Variants in AXDND1 observed in about 807,000 individuals in gnomAD.
AXDND1 encodes the protein axonemal dynein light chain domain-containing protein 1.
In AXDND1, 110 loss-of-function variants were observed where a neutral mutation model predicts 137.5. The ratio of observed to expected loss-of-function variants is 0.80; its 90% CI spans 0.69 to 0.94. The LOEUF is 0.94. Ranked by LOEUF, AXDND1 falls within the 40% of genes least tolerant of loss-of-function variation. AXDND1 has a pLI of 0.00. For synonymous variants in AXDND1, 414 were observed against 399.7 expected (o/e 1.04, Z -0.43); for missense variants, 1,191 against 1,169.8 (o/e 1.02, Z -0.26).
Position 179,382,724 on chromosome 1 carries a change from T to TA in AXDND1, c.607dup (p.Ser203LysfsTer2), listed in dbSNP as rs1239220124. ...GCAAATACACTACTCTCCTCACAGA[T>TA]AGTGAAAACAGGCTATTGCTCTTCC... On this transcript the variant is annotated frameshift_variant, in exon 7 of 26. Coordinates refer to ENST00000367618, the MANE Select transcript of AXDND1 (RefSeq NM_144696.6). LOFTEE classifies it high-confidence loss of function. 1 of 1,603,834 alleles carries TA rather than the reference T, an allele frequency of 6.2e-7. No individual in the cohort carries two copies. The highest frequency in any genetic ancestry group is 1.3e-5 in the African/African-American group (1 of 74,670).
intron 6 of AXDND1, 81 bp downstream of exon 6, chr1:179,379,563 G>A: frequency 6.5e-7 from 1 of 1,540,420 alleles, no homozygotes; most frequent in Non-Finnish European, 8.8e-7. Context: ...CGAGGCCAAG[G>A]CGGGTGGATC....
At chr1:179,367,364 A>AT (rs1667536586) in intron 2 of AXDND1, among the ~76,000 whole-genome samples, 1 of 151,838 alleles carries the variant, frequency 6.6e-6, no homozygotes, top group South Asian at 2.1e-4. Flanking sequence ...AAATACAAAA[A>AT]TTAGGGGGGG....
chr1:179,491,088 C>T (rs571424506), intron 18 of AXDND1, among the ~76,000 whole-genome samples: 1 of 152,176 alleles, frequency 6.6e-6, no homozygotes, highest in Non-Finnish European at 1.5e-5. Flanking sequence ...CTTTGGGAGG[C>T]TGAGGTGGGC....
chr1:179,445,114 A>G lies in AXDND1; in HGVS notation c.1708A>G (p.Met570Val). The G allele has an allele frequency of 1.2e-6, 2 of 1,613,474 alleles. No homozygotes were observed. The highest frequency in any genetic ancestry group is 1.7e-6 in the Non-Finnish European group (2 of 1,179,550). The change falls in exon 16 of 26, where the codon ATG (methionine) becomes GTG (valine). Residue 570 changes from methionine to valine, a missense_variant. Coordinates refer to ENST00000367618, the MANE Select transcript of AXDND1 (RefSeq NM_144696.6). ...TCGGCATAAAAGTTTGGAGGGGGAG[A>G]TGCCATCAGAGCGACAGTACATGGA... ...FNRHKSLEGE[M>V]PSERQYMEEI...
At chr1:179,372,963 G>A (rs564786921) in intron 4 of AXDND1, among the ~76,000 whole-genome samples, 21 of 152,246 alleles carry the variant, frequency 1.4e-4, no homozygotes, top group East Asian at 5.8e-4. Flanking sequence ...GATTATAGGC[G>A]TGAGCTACCA....
chr1:179,476,227 A>G (rs1362483257), intron 17 of AXDND1, among the ~76,000 whole-genome samples: 1 of 152,092 alleles, frequency 6.6e-6, no homozygotes, highest in African/African-American at 2.4e-5. Context: ...ATAATTATAA[A>G]TTTACCATCT....
At chr1:179,527,116 CT>C (rs1415556632) in intron 22 of AXDND1, among the ~76,000 whole-genome samples, 1 of 152,120 alleles carries the variant, frequency 6.6e-6, no homozygotes, top group East Asian at 1.9e-4. Flanking sequence ...ACAGAGTAGC[CT>C]TAAGGGCTGC....
In AXDND1 at chr1:179,403,213, TAAGG is replaced by T. The variant is rs369368488; in HGVS notation, c.1110-7929_1110-7926del. 6.4e-3 allele frequency among the ~76,000 whole-genome samples: 972 copies of T among 152,270 alleles called. 7 individuals carry two copies. The highest frequency in any genetic ancestry group is 0.022 in the African/African-American group (929 of 41,554). On this transcript the variant is annotated intron_variant, in intron 11 of 25. Coordinates refer to ENST00000367618, the MANE Select transcript of AXDND1 (RefSeq NM_144696.6). ...AGAAAAGAAAATACTAAGAAAATCA[TAAGG>T]AAGAGAAAATACATTTATAGTACTG... is the stretch of plus-strand genomic sequence containing the variant.
intron 17 of AXDND1, among the ~76,000 whole-genome samples, chr1:179,482,098 A>ATTTTTTTTT (rs57145549): frequency 1.6e-4 from 17 of 108,068 alleles, no homozygotes; most frequent in African/African-American, 1.9e-4. Flanking sequence ...GAGCTTTTTA[A>ATTTTTTTTT]TTTTTTTTTT....
At position 179,490,765 on chromosome 1, in the gene AXDND1, T is replaced by TTG. The variant is rs202006475; in HGVS notation, c.2092-772_2092-771insGT. ...TGTTAATTTTCACACAGTACTTGTTTTTTTTTTTTTTATCACACAACCACC... is the reference window on the plus strand; with the variant it reads ...TGTTAATTTTCACACAGTACTTGTTTTGTTTTTTTTTTTATCACACAACCACC... On this transcript the variant is annotated intron_variant, in intron 18 of 25. Coordinates refer to ENST00000367618, the MANE Select transcript of AXDND1 (RefSeq NM_144696.6). Among the ~76,000 whole-genome samples the TTG allele has an allele frequency of 7.5e-3, 1,141 of 151,806 alleles. 15 individuals carry two copies. The highest frequency in any genetic ancestry group is 0.026 in the African/African-American group (1,071 of 41,398).
intron 6 of AXDND1, among the ~76,000 whole-genome samples, chr1:179,381,943 A>ATTTTTTTTTTTTTTT (rs71111920): frequency 9.5e-6 from 1 of 105,432 alleles, no homozygotes. Flanking sequence ...ACCACACCTA[A>ATTTTTTTTTTTTTTT]TTTTTTTTTT....
chr1:179,542,543 T>C (rs960309016), intron 25 of AXDND1, among the ~76,000 whole-genome samples: 1 of 152,226 alleles, frequency 6.6e-6, no homozygotes, highest in South Asian at 2.1e-4. Flanking sequence ...TTCATGAATT[T>C]TTAAAATTTC....
At chr1:179,371,921 C>T (rs182793741) in intron 4 of AXDND1, among the ~76,000 whole-genome samples, 3 of 152,178 alleles carry the variant, frequency 2.0e-5, no homozygotes, top group African/African-American at 7.2e-5. Context: ...CTGTTAACAA[C>T]CCAAATGAGC....
intron 25 of AXDND1, 165 bp from the exon 26 acceptor site, chr1:179,554,347 C>CT: frequency 8.9e-7 from 1 of 1,120,476 alleles, no homozygotes; most frequent in Non-Finnish European, 1.3e-6. Flanking sequence ...ATTTGTTTCT[C>CT]TTTTTTATAA....
At chr1:179,492,527 C>G (rs1667036266) in intron 19 of AXDND1, among the ~76,000 whole-genome samples, 1 of 151,728 alleles carries the variant, frequency 6.6e-6, no homozygotes, top group African/African-American at 2.4e-5. Flanking sequence ...AAATTGTAAT[C>G]TATTAACTGA....
rs138733476 is a variant in AXDND1, at chr1:179,483,212, T to C, written c.2082T>C (p.Leu694=). The C allele has an allele frequency of 6.9e-6, 11 of 1,605,392 alleles. No homozygotes were observed. The highest frequency in any genetic ancestry group is 9.4e-6 in the Non-Finnish European group (11 of 1,174,640). Reference sequence around the variant, plus strand: ...AAATTAACAACGGTAACATTGAACTTCAGCACCACGTATGTACTTGTAAGG... The same window carrying C: ...AAATTAACAACGGTAACATTGAACTCCAGCACCACGTATGTACTTGTAAGG... ...GNEINNGNIE[L]QHHMDELHIS... is the part of the protein sequence containing the mutation. Residue 694 remains leucine, a synonymous_variant, in exon 18 of 26, where the codon CTT becomes CTC. Transcript: ENST00000367618.
chr1:179,467,302 G>A lies in AXDND1; in HGVS notation c.1799-1141G>A, dbSNP rs1344902907. ...AAACACAATTTAATTTTCTATGGCA[G>A]CAATAATATAGTTATTGATAAAATG... On this transcript the variant is annotated intron_variant, in intron 16 of 25. Transcript: ENST00000367618. Among the ~76,000 whole-genome samples, 9 of 152,058 alleles carry A rather than the reference G, an allele frequency of 5.9e-5. No individual in the cohort carries two copies. In the East Asian group the frequency reaches 1.7e-3, roughly 29 times the overall value.
At chr1:179,521,120 C>G (rs1033601910) in intron 21 of AXDND1, among the ~76,000 whole-genome samples, 1 of 151,960 alleles carries the variant, frequency 6.6e-6, no homozygotes, top group Admixed American at 6.6e-5. Context: ...TGGCACCATG[C>G]CTGGCTAATT....
chr1:179,539,134 T>C (rs1180175104), intron 25 of AXDND1, among the ~76,000 whole-genome samples: 1 of 152,228 alleles, frequency 6.6e-6, no homozygotes, highest in Admixed American at 6.5e-5. Context: ...GGGTCTTGAC[T>C]CTTTATCCAA....
Sources: gnomAD v4.1 joint callset for allele counts (sites outside exome capture counted in the v4.1 genomes callset) on GRCh38, gnomAD v4.1.1 for gene constraint, MANE v1.5 for transcripts, NCBI Gene and HGNC (gene_info 2026-07-23, HGNC 2026-07-21) for gene names.